The following ELL2 variants were observed in gnomAD, a reference collection of about 807,000 sequenced individuals.
ELL2 encodes elongation factor for RNA polymerase II 2.
In ELL2, 21 loss-of-function variants were observed where a neutral mutation model predicts 72.8. The observed-to-expected ratio is 0.29, with a 90% CI of 0.20 to 0.42. The LOEUF is 0.42. ELL2 is among the 10% of genes least tolerant of loss of function. The pLI, the probability that ELL2 is intolerant of heterozygous loss-of-function variation, is 1.00. For synonymous variants in ELL2, 266 were observed against 283.2 expected (o/e 0.94, Z 0.61); for missense variants, 568 against 772.8 (o/e 0.73, Z 3.14).
chr5:95,910,793 C>A (rs767549660), intron 4 of ELL2, among the ~76,000 whole-genome samples: 2 of 152,160 alleles, frequency 1.3e-5, no homozygotes, highest in Admixed American at 6.5e-5. Context: ...CCTTGTCCTG[C>A]AGGTACCTCG....
chr5:95,925,291 G>A (rs910540591), intron 2 of ELL2, among the ~76,000 whole-genome samples: 1 of 152,084 alleles, frequency 6.6e-6, no homozygotes, highest in Non-Finnish European at 1.5e-5. Context: ...ATAGCTGAGC[G>A]GGCCAAGATC....
chr5:95,927,426 CACACACACGTGTGTATATAGACAT>C lies in ELL2; in HGVS notation c.196-7905_196-7882del, dbSNP rs1561504335. Among the ~76,000 whole-genome samples, 9 of 44,262 alleles carry C rather than the reference CACACACACGTGTGTATATAGACAT, an allele frequency of 2.0e-4. 2 individuals carry two copies. The highest frequency in any genetic ancestry group is 3.6e-4 in the African/African-American group (2 of 5,554). The allele number at this position is 44,262 out of a possible 152,430, so 29.0% of individuals were successfully genotyped here. A position where few individuals can be genotyped will look rare whatever the true frequency, so the allele number is the denominator to read the frequency against. On this transcript the variant is annotated intron_variant, in intron 2 of 11. Coordinates refer to ENST00000237853, the MANE Select transcript of ELL2 (RefSeq NM_012081.6). ...ACACACACGTGTGTATATAGACATA[CACACACACGTGTGTATATAGACAT>C]ACACACACACGTGTGTATATAGACA... is the stretch of plus-strand genomic sequence containing the variant.
intron 2 of ELL2, among the ~76,000 whole-genome samples, chr5:95,926,901 C>A (rs1168756922): frequency 6.6e-6 from 1 of 152,162 alleles, no homozygotes; most frequent in East Asian, 1.9e-4. Flanking sequence ...ACACCCAATA[C>A]ACTCAGTTGC....
rs530624074 is a variant in ELL2, at chr5:95,952,141, A to G, written c.148-9092T>C. On this transcript the variant is annotated intron_variant, in intron 1 of 11. Transcript: ENST00000237853. Reference sequence around the variant, plus strand: ...CACAGCAACGAAAAAGAATGAGATCATGTCCTTTGCAGCAACATAGATGGA... The same window carrying G: ...CACAGCAACGAAAAAGAATGAGATCGTGTCCTTTGCAGCAACATAGATGGA... 1.3e-4 allele frequency among the ~76,000 whole-genome samples: 20 copies of G among 152,356 alleles called. No homozygotes were observed. The South Asian group carries it at 3.5e-3, about 27-fold the overall frequency.
intron 2 of ELL2, among the ~76,000 whole-genome samples, chr5:95,926,406 T>C (rs1750282698): frequency 6.6e-6 from 1 of 151,750 alleles, no homozygotes; most frequent in African/African-American, 2.4e-5. Flanking sequence ...CTGAAGAGAG[T>C]AGTGCAAAAT....
At chr5:95,907,561 G>C (rs934499420) in intron 4 of ELL2, among the ~76,000 whole-genome samples, 2 of 152,010 alleles carry the variant, frequency 1.3e-5, no homozygotes, top group Non-Finnish European at 2.9e-5. Flanking sequence ...GAACATGTGT[G>C]GGCTGAGGTG....
In ELL2 at chr5:95,919,481, T is replaced by C. The variant is rs1289281965; in HGVS notation, c.260A>G (p.Asn87Ser). ...EVHNFNFYLS[N>S]VGKDNPQGSF... ...GCCCTGAGGGTTGTCTTTGCCCACATTTGACAAATAAAAGTTAAAGTTATG... is the reference window on the plus strand; with the variant it reads ...GCCCTGAGGGTTGTCTTTGCCCACACTTGACAAATAAAAGTTAAAGTTATG... The change falls in exon 3 of 12, where the codon AAT becomes AGT. Residue 87 changes from asparagine (N) to serine (S), a missense_variant. Transcript: ENST00000237853. 3.8e-6 allele frequency: 6 copies of C among 1,595,676 alleles called. No homozygotes were observed. The Admixed American group carries it at 5.4e-5, about 14-fold the overall frequency.
chr5:95,942,358 TCTA>T (rs2112347925), intron 2 of ELL2, among the ~76,000 whole-genome samples: 1 of 152,204 alleles, frequency 6.6e-6, no homozygotes, highest in African/African-American at 2.4e-5. Flanking sequence ...AATAATTGAG[TCTA>T]CTATTTATTT....
chr5:95,901,203 G>A (rs956498695), intron 5 of ELL2, 123 bp from the exon 6 acceptor site: 52 of 1,053,242 alleles, frequency 4.9e-5, no homozygotes, highest in Non-Finnish European at 6.6e-5. Context: ...GGGACTGCTA[G>A]TTTTGTATTA....
chr5:95,925,837 G>A (rs2112320519), intron 2 of ELL2, among the ~76,000 whole-genome samples: 1 of 152,264 alleles, frequency 6.6e-6, no homozygotes, highest in East Asian at 1.9e-4. Flanking sequence ...CAGGAAGCCA[G>A]TCCATCTCTT....
At chr5:95,943,543 T>C (rs1751049356) in intron 1 of ELL2, among the ~76,000 whole-genome samples, 1 of 152,192 alleles carries the variant, frequency 6.6e-6, no homozygotes, top group Non-Finnish European at 1.5e-5. Context: ...TATTGTTGCA[T>C]AGTTTCCTGG....
rs181809201 is a variant in ELL2, at chr5:95,960,809, C to T, written c.147+766G>A. Among the ~76,000 whole-genome samples, 287 of 152,160 alleles carry T rather than the reference C, an allele frequency of 1.9e-3. 2 individuals carry two copies. Among genetic ancestry groups the T allele is most frequent in the Admixed American group, 0.017 (254 of 15,302 alleles). The stretch of plus-strand genomic sequence containing the variant: ...TGTTGGTTTGTGTCCGTCCTGGACG[C>T]GGCGCGTCTCCAGTAACGCGATGCG... On this transcript the variant is annotated intron_variant, in intron 1 of 11. Transcript: ENST00000237853.
chr5:95,948,519 A>C (rs1469738359), intron 1 of ELL2, among the ~76,000 whole-genome samples: 1 of 150,310 alleles, frequency 6.7e-6, no homozygotes, highest in African/African-American at 2.4e-5. Flanking sequence ...TGTTATTAAG[A>C]GAGCCACCAG....
At chr5:95,914,838 C>A (rs1158356093) in intron 3 of ELL2, among the ~76,000 whole-genome samples, 1 of 151,644 alleles carries the variant, frequency 6.6e-6, no homozygotes, top group Non-Finnish European at 1.5e-5. Context: ...GAATGAGACC[C>A]CATCTCAAAA....
chr5:95,950,248 A>T (rs1240199283), intron 1 of ELL2, among the ~76,000 whole-genome samples: 1 of 152,112 alleles, frequency 6.6e-6, no homozygotes, highest in Admixed American at 6.5e-5. Context: ...CTTTCCCCCT[A>T]TGCTATTTAA....
At chr5:95,891,557 A>G (rs1402766192) in intron 9 of ELL2, among the ~76,000 whole-genome samples, 1 of 152,238 alleles carries the variant, frequency 6.6e-6, no homozygotes, top group Non-Finnish European at 1.5e-5. Context: ...ATTTACACAG[A>G]TCTAGTTTCC....
intron 1 of ELL2, among the ~76,000 whole-genome samples, chr5:95,950,615 C>A (rs775452715): frequency 5.9e-5 from 9 of 151,902 alleles, no homozygotes; most frequent in Non-Finnish European, 1.2e-4. Context: ...AAAAGAAAGT[C>A]ATTAAGCTTC....
intron 2 of ELL2, among the ~76,000 whole-genome samples, chr5:95,921,181 T>G (rs1377695176): frequency 6.6e-6 from 1 of 152,168 alleles, no homozygotes; most frequent in Non-Finnish European, 1.5e-5. Flanking sequence ...ATCTGGCACA[T>G]AGTAGACATA....
At position 95,942,271 on chromosome 5, in the gene ELL2, T is replaced by C. The variant is rs181372772; in HGVS notation, c.195+731A>G. On this transcript the variant is annotated intron_variant, in intron 2 of 11. Coordinates refer to ENST00000237853, the MANE Select transcript of ELL2 (RefSeq NM_012081.6). Reference sequence around the variant, plus strand: ...AGCTCTAAAAATCCATTTACGGATATTACAAATTTCCATTTTATAGCTAAT... The same window carrying C: ...AGCTCTAAAAATCCATTTACGGATACTACAAATTTCCATTTTATAGCTAAT... Among the ~76,000 whole-genome samples the C allele has an allele frequency of 8.6e-3, 1,308 of 152,308 alleles. 17 individuals carry two copies. The highest frequency in any genetic ancestry group is 0.03 in the African/African-American group (1,262 of 41,566).
Sources: gnomAD v4.1 joint callset for allele counts (sites outside exome capture counted in the v4.1 genomes callset) on GRCh38, gnomAD v4.1.1 for gene constraint, MANE v1.5 for transcripts, NCBI Gene and HGNC (gene_info 2026-07-23, HGNC 2026-07-21) for gene names.